The following BICD1 variants were observed in gnomAD, a reference collection of about 807,000 sequenced individuals.
BICD1 encodes the protein protein bicaudal D homolog 1.
A neutral mutation model predicts 92.5 loss-of-function variants in BICD1; 35 were observed. The ratio of observed to expected loss-of-function variants is 0.38; its 90% CI spans 0.29 to 0.50. BICD1 has a LOEUF of 0.50. BICD1 is among the 20% of genes least tolerant of loss of function. The pLI is 0.93. For missense variants in BICD1, 950 were observed against 1,189.8 expected (o/e 0.80, Z 2.97); for synonymous variants, 429 against 465.1 (o/e 0.92, Z 1.00).
intron 1 of BICD1, among the ~76,000 whole-genome samples, chr12:32,122,781 C>A (rs758695260): frequency 2.5e-4 from 38 of 152,110 alleles, no homozygotes; most frequent in Non-Finnish European, 5.0e-4. Context: ...AAGCTCTAGA[C>A]CAATGAGATT....
intron 4 of BICD1, among the ~76,000 whole-genome samples, chr12:32,321,885 G>A (rs1948668869): frequency 6.6e-6 from 1 of 152,134 alleles, no homozygotes; most frequent in African/African-American, 2.4e-5. Context: ...TGTAATCCCA[G>A]CTACTTGGGA....
intron 1 of BICD1, among the ~76,000 whole-genome samples, chr12:32,146,096 C>G (rs1006408729): frequency 3.3e-4 from 50 of 152,346 alleles, no homozygotes; most frequent in African/African-American, 1.2e-3. Flanking sequence ...AACAAAGGCT[C>G]TCTCAGAACC....
chr12:32,257,999 T>C (rs1946764169), intron 2 of BICD1, among the ~76,000 whole-genome samples: 1 of 152,228 alleles, frequency 6.6e-6, no homozygotes, highest in Non-Finnish European at 1.5e-5. Context: ...ATGAACATCC[T>C]TGTTCATGTA....
intron 2 of BICD1, among the ~76,000 whole-genome samples, chr12:32,234,486 A>G (rs1945999387): frequency 6.6e-6 from 1 of 151,744 alleles, no homozygotes; most frequent in Non-Finnish European, 1.5e-5. Context: ...AATCCCAGCT[A>G]CTTGGGAAGC....
intron 1 of BICD1, among the ~76,000 whole-genome samples, chr12:32,170,635 G>C (rs556897267): frequency 6.6e-4 from 100 of 152,300 alleles, no homozygotes; most frequent in African/African-American, 2.3e-3. Flanking sequence ...TCTTGGGCTG[G>C]CATAATTTTA....
chr12:32,112,001 CTTTTTT>C (rs35592483), intron 1 of BICD1, among the ~76,000 whole-genome samples: 2 of 97,092 alleles, frequency 2.1e-5, no homozygotes, highest in Non-Finnish European at 4.0e-5. Flanking sequence ...TGCACTATCC[CTTTTTT>C]TTTTTTTTTT....
At chr12:32,122,433 G>A (rs947131158) in intron 1 of BICD1, among the ~76,000 whole-genome samples, 23 of 150,944 alleles carry the variant, frequency 1.5e-4, no homozygotes, top group Admixed American at 2.6e-4. Context: ...AGCTTGCAGT[G>A]AGCTGAGATC....
intron 2 of BICD1, among the ~76,000 whole-genome samples, chr12:32,260,600 A>T (rs1946834139): frequency 6.6e-6 from 1 of 152,036 alleles, no homozygotes; most frequent in African/African-American, 2.4e-5. Context: ...TTACTCATTG[A>T]AATTGTCTGT....
chr12:32,330,862 C>T (rs1468457093), intron 5 of BICD1, among the ~76,000 whole-genome samples: 1 of 152,194 alleles, frequency 6.6e-6, no homozygotes, highest in Non-Finnish European at 1.5e-5. Context: ...GGTCTGGGCG[C>T]AATGGCTCAC....
At chr12:32,302,878 C>T (rs1474580659) in intron 3 of BICD1, among the ~76,000 whole-genome samples, 1 of 61,686 alleles carries the variant, frequency 1.6e-5, no homozygotes, top group African/African-American at 3.9e-5. Context: ...ATTCCAATGA[C>T]CATTTTTTTT....
chr12:32,207,992 A>C (rs1945110860), intron 1 of BICD1, among the ~76,000 whole-genome samples: 1 of 152,212 alleles, frequency 6.6e-6, no homozygotes, highest in Admixed American at 6.5e-5. Context: ...TCAATCTGAG[A>C]CTTTCCAAGG....
At position 32,293,468 on chromosome 12, in the gene BICD1, C is replaced by T. The variant is rs915122823; in HGVS notation, c.427-526C>T. On this transcript the variant is annotated intron_variant, in intron 2 of 9. Coordinates refer to ENST00000652176, the MANE Select transcript of BICD1 (RefSeq NM_001714.4). ...AAGTAGCTAGGATTACAGGCGCCCA[C>T]CACCACGCCTGGCTAATTTTTTTTT... Among the ~76,000 whole-genome samples the T allele has an allele frequency of 2.3e-4, 33 of 142,338 alleles. 1 individual carries two copies. Among genetic ancestry groups the T allele is most frequent in the Admixed American group, 7.5e-5 (1 of 13,322 alleles). The allele number at this position is 142,338 out of a possible 152,430, so 93.4% of individuals were successfully genotyped here. A position where few individuals can be genotyped will look rare whatever the true frequency, so the allele number is the denominator to read the frequency against.
chr12:32,123,774 G>T (rs745577492), intron 1 of BICD1, among the ~76,000 whole-genome samples: 2 of 152,000 alleles, frequency 1.3e-5, no homozygotes, highest in Non-Finnish European at 2.9e-5. Context: ...GCTACCCGGG[G>T]GCTGAGCCAG....
intron 1 of BICD1, among the ~76,000 whole-genome samples, chr12:32,135,038 C>T (rs1267785889): frequency 2.1e-5 from 3 of 144,808 alleles, no homozygotes; most frequent in African/African-American, 7.7e-5. Context: ...CTCCTCTCCT[C>T]TCCCCCTCCT....
chr12:32,335,880 G>A (rs73301989), intron 6 of BICD1, among the ~76,000 whole-genome samples: 3,781 of 152,088 alleles, frequency 0.025, 153 homozygotes, highest in African/African-American at 0.085. Context: ...CACCATGCCC[G>A]ACCAAATCCT....
At chr12:32,316,379 C>T (rs183749468) in intron 4 of BICD1, among the ~76,000 whole-genome samples, 130 of 151,884 alleles carry the variant, frequency 8.6e-4, no homozygotes, top group Middle Eastern at 6.8e-3. Context: ...CAACCTCCAC[C>T]TCCTGGGTTC....
intron 2 of BICD1, among the ~76,000 whole-genome samples, chr12:32,221,419 C>T (rs1007363914): frequency 1.3e-5 from 2 of 151,480 alleles, no homozygotes; most frequent in African/African-American, 2.4e-5. Context: ...CATGGTGGCT[C>T]ATGCCTGTAA....
At chr12:32,134,848 C>G (rs778635027) in intron 1 of BICD1, among the ~76,000 whole-genome samples, 1 of 152,114 alleles carries the variant, frequency 6.6e-6, no homozygotes, top group Non-Finnish European at 1.5e-5. Context: ...GCTGATATCC[C>G]GTGGCCACAG....
At chr12:32,336,888 G>A (rs1938149314) in intron 6 of BICD1, among the ~76,000 whole-genome samples, 1 of 152,200 alleles carries the variant, frequency 6.6e-6, no homozygotes. Flanking sequence ...GAGGCAAGAA[G>A]ATCACTTGAG....
Sources: gnomAD v4.1 joint callset for allele counts (sites outside exome capture counted in the v4.1 genomes callset) on GRCh38, gnomAD v4.1.1 for gene constraint, MANE v1.5 for transcripts, NCBI Gene and HGNC (gene_info 2026-07-23, HGNC 2026-07-21) for gene names.